The following PAX5 variants were observed in gnomAD, a reference collection of about 807,000 sequenced individuals.
The protein encoded by PAX5 is paired box protein Pax-5.
A neutral mutation model predicts 43.7 loss-of-function variants in PAX5; 9 were observed. The ratio of observed to expected loss-of-function variants is 0.21; its 90% CI spans 0.12 to 0.36. The LOEUF (loss-of-function observed/expected upper bound fraction) is 0.36, where lower values mean the gene tolerates loss of function less well. Among genes scored for constraint, PAX5 ranks in the 10% least tolerant of loss-of-function variants. PAX5 has a pLI of 1.00. For synonymous variants in PAX5, 228 were observed against 214.3 expected (o/e 1.06, Z -0.56); for missense variants, 383 against 532.7 (o/e 0.72, Z 2.77).
At chr9:37,003,215 C>T (rs1218432147) in intron 4 of PAX5, among the ~76,000 whole-genome samples, 1 of 150,346 alleles carries the variant, frequency 6.7e-6, no homozygotes, top group Non-Finnish European at 1.5e-5. Context: ...CACCACCTGC[C>T]TGCACACCCA....
intron 7 of PAX5, among the ~76,000 whole-genome samples, chr9:36,915,155 C>A (rs1224669554): frequency 6.6e-6 from 1 of 152,086 alleles, no homozygotes; most frequent in Non-Finnish European, 1.5e-5. Flanking sequence ...TGTGAATATA[C>A]CTATGACATA....
At chr9:36,896,708 G>C (rs537916246) in intron 7 of PAX5, among the ~76,000 whole-genome samples, 1 of 152,166 alleles carries the variant, frequency 6.6e-6, no homozygotes, top group Admixed American at 6.5e-5. Flanking sequence ...TCTGGGTCTC[G>C]GTTTCCACTT....
At chr9:36,979,864 T>G (rs1835763050) in intron 5 of PAX5, among the ~76,000 whole-genome samples, 1 of 152,204 alleles carries the variant, frequency 6.6e-6, no homozygotes, top group Non-Finnish European at 1.5e-5. Flanking sequence ...ATTCCAAGCC[T>G]GTCTACAGCT....
At chr9:37,006,963 G>GGCA (rs1838453971) in intron 3 of PAX5, among the ~76,000 whole-genome samples, 1 of 152,148 alleles carries the variant, frequency 6.6e-6, no homozygotes, top group Non-Finnish European at 1.5e-5. Flanking sequence ...AACTGAACTT[G>GGCA]GTAATCTCTC....
At chr9:37,008,296 G>A (rs1345894398) in intron 3 of PAX5, among the ~76,000 whole-genome samples, 2 of 152,108 alleles carry the variant, frequency 1.3e-5, no homozygotes, top group African/African-American at 2.4e-5. Flanking sequence ...TCAAGTGGTC[G>A]GCCCTCCTCG....
chr9:36,932,235 T>C (rs1349758498), intron 6 of PAX5, among the ~76,000 whole-genome samples: 3 of 152,194 alleles, frequency 2.0e-5, no homozygotes, highest in Admixed American at 2.0e-4. Context: ...ATCACACCAC[T>C]GCACTCCAGT....
Position 36,840,112 on chromosome 9 carries a change from CAT to C in PAX5, c.*446_*447del, listed in dbSNP as rs202207541. 16 of 356,154 alleles carry C rather than the reference CAT, an allele frequency of 4.5e-5. No individual in the cohort carries two copies. In the East Asian group the frequency reaches 7.4e-4, roughly 16 times the overall value. 22.1% of individuals were successfully genotyped at this position (356,154 alleles called of 1,614,324 possible). ...GATGCACCAAGAGTGCGAGATGCAT[CAT>C]GGGTGGAGCAGTCTTCTCAGTCGGA... is the stretch of plus-strand genomic sequence containing the variant. On this transcript the variant is annotated 3_prime_UTR_variant, in exon 10 of 10. Coordinates refer to ENST00000358127, the MANE Select transcript of PAX5 (RefSeq NM_016734.3).
At chr9:36,872,700 C>T (rs1256166616) in intron 8 of PAX5, among the ~76,000 whole-genome samples, 3 of 152,152 alleles carry the variant, frequency 2.0e-5, no homozygotes, top group Admixed American at 6.5e-5. Flanking sequence ...GCATCACTTC[C>T]GTGCAGGGTT....
chr9:37,001,062 T>C (rs959457977), intron 5 of PAX5, among the ~76,000 whole-genome samples: 2 of 152,210 alleles, frequency 1.3e-5, no homozygotes, highest in South Asian at 4.1e-4. Context: ...CCTCCGGGCA[T>C]GATCTGAGTA....
chr9:36,840,672 C>A, intron 9 of PAX5, 36 bp from the exon 10 acceptor site: 1 of 1,406,564 alleles, frequency 7.1e-7, no homozygotes, highest in Non-Finnish European at 9.7e-7. Context: ...AGGTCAGATC[C>A]GGGGTCCCCT....
At chr9:36,888,587 G>T (rs73453255) in intron 7 of PAX5, among the ~76,000 whole-genome samples, 10,185 of 152,248 alleles carry the variant, frequency 0.067, 344 homozygotes, top group Middle Eastern at 0.075. Flanking sequence ...ACCGACAAAA[G>T]GTAGATTCGT....
intron 8 of PAX5, among the ~76,000 whole-genome samples, chr9:36,853,310 G>T (rs1348816423): frequency 1.3e-5 from 2 of 152,046 alleles, no homozygotes; most frequent in Non-Finnish European, 2.9e-5. Context: ...CAAATGCATA[G>T]ATCTGTGTGA....
At chr9:36,965,544 G>T (rs1293976422) in intron 6 of PAX5, among the ~76,000 whole-genome samples, 2 of 152,188 alleles carry the variant, frequency 1.3e-5, no homozygotes, top group Admixed American at 6.5e-5. Flanking sequence ...TCACCACACG[G>T]TTCTCTCCAG....
intron 5 of PAX5, among the ~76,000 whole-genome samples, chr9:36,981,398 A>G (rs1176129318): frequency 6.7e-6 from 1 of 149,572 alleles, no homozygotes; most frequent in Non-Finnish European, 1.5e-5. Context: ...GCAGGCACAC[A>G]ATAAATACTT....
intron 6 of PAX5, among the ~76,000 whole-genome samples, chr9:36,952,035 T>C (rs1005406976): frequency 1.6e-4 from 24 of 152,176 alleles, no homozygotes; most frequent in African/African-American, 5.1e-4. Flanking sequence ...TACTTTGTTT[T>C]AAACTTCCAA....
At chr9:36,853,959 G>T (rs554291074) in intron 8 of PAX5, among the ~76,000 whole-genome samples, 2 of 152,334 alleles carry the variant, frequency 1.3e-5, no homozygotes, top group African/African-American at 4.8e-5. Flanking sequence ...TTTGCAGAGC[G>T]CACTGGGGGC....
In PAX5 at chr9:37,015,153, C is replaced by A. The variant is rs1254060202; in HGVS notation, c.254G>T (p.Gly85Val). The A allele has an allele frequency of 6.2e-7, 1 of 1,614,186 alleles. No individual in the cohort carries two copies. Residue 85 changes from glycine (G) to valine (V), a missense_variant, in exon 3 of 10, where the codon GGA becomes GTA. Gly to Val is a moderately radical substitution (Grantham distance 109). Around this residue, in one of 5 missense-constraint regions of PAX5, gnomAD observed 33 missense variants for 70.6 expected, o/e 0.47. Coordinates refer to ENST00000358127, the MANE Select transcript of PAX5 (RefSeq NM_016734.3). This position sits in a 1 kb window ranked among gnomAD's most constrained non-coding sequence, Gnocchi z 4.4. ...GGGTGTGGCGACCTTTGGTTTGGAT[C>A]CTCCAATTACCCCAGGCTTGATGCT... Reference protein sequence around the residue: ...TGSIKPGVIGGSKPKVATPKV... With the variant: ...TGSIKPGVIGVSKPKVATPKV...
chr9:37,025,305 G>A (rs1435669791), intron 1 of PAX5, among the ~76,000 whole-genome samples: 1 of 152,176 alleles, frequency 6.6e-6, no homozygotes, highest in African/African-American at 2.4e-5. Flanking sequence ...TCAGCACTGC[G>A]TGGCAGACAC....
chr9:36,930,737 G>A (rs1054101540), intron 6 of PAX5: 26 of 734,376 alleles, frequency 3.5e-5, no homozygotes, highest in East Asian at 1.9e-4. Flanking sequence ...TGCCTACCTC[G>A]ACGATCATGA....
Sources: gnomAD v4.1 joint callset for allele counts (sites outside exome capture counted in the v4.1 genomes callset) on GRCh38, gnomAD v4.1.1 for gene constraint, gnomAD v4.1.1 regional missense constraint, Gnocchi (gnomAD v3.1) non-coding constraint, MANE v1.5 for transcripts, NCBI Gene and HGNC (gene_info 2026-07-23, HGNC 2026-07-21) for gene names.